Variants in PCSK2 observed in about 807,000 individuals in gnomAD.
PCSK2 encodes the protein neuroendocrine convertase 2.
PCSK2 carries 14 observed loss-of-function variants against 69.7 expected under a neutral mutation model. The ratio of observed to expected loss-of-function variants is 0.20; its 90% CI spans 0.13 to 0.31. PCSK2 has a LOEUF of 0.31. Ranked by LOEUF, PCSK2 falls within the 10% of genes least tolerant of loss-of-function variation. PCSK2 has a pLI of 1.00. For synonymous variants in PCSK2, 307 were observed against 320.7 expected (o/e 0.96, Z 0.46); for missense variants, 544 against 842.5 (o/e 0.65, Z 4.39).
At chr20:17,250,958 G>A (rs1464342590) in intron 1 of PCSK2, among the ~76,000 whole-genome samples, 2 of 152,178 alleles carry the variant, frequency 1.3e-5, no homozygotes, top group South Asian at 4.2e-4. Context: ...AAATTAGCCA[G>A]GTGTGGAAGT....
intron 5 of PCSK2, among the ~76,000 whole-genome samples, chr20:17,380,504 G>A (rs1189627729): frequency 6.6e-6 from 1 of 152,126 alleles, no homozygotes; most frequent in African/African-American, 2.4e-5. Flanking sequence ...TGTGCCCTAG[G>A]CAAGTTAATC....
chr20:17,254,024 A>G (rs1453553135), intron 1 of PCSK2, among the ~76,000 whole-genome samples: 4 of 152,208 alleles, frequency 2.6e-5, no homozygotes, highest in Non-Finnish European at 5.9e-5. Flanking sequence ...TCTTTGAAGA[A>G]ATGATTCCTC....
chr20:17,243,959 A>T lies in PCSK2; in HGVS notation c.178-16281A>T, dbSNP rs570934964. On this transcript the variant is annotated intron_variant, in intron 1 of 11. Transcript: ENST00000262545. ...GATTGAACTTTGGGCCAGATTTTTTATTTTTTTTTCCATAAAGGATGCTAT... is the reference window on the plus strand; with the variant it reads ...GATTGAACTTTGGGCCAGATTTTTTTTTTTTTTTTCCATAAAGGATGCTAT... Among the ~76,000 whole-genome samples, 221 of 151,660 alleles carry T rather than the reference A, an allele frequency of 1.5e-3. 1 individual carries two copies. Among genetic ancestry groups the T allele is most frequent in the African/African-American group, 4.8e-3 (199 of 41,362 alleles).
chr20:17,273,995 G>A (rs1416424335), intron 2 of PCSK2, among the ~76,000 whole-genome samples: 3 of 152,122 alleles, frequency 2.0e-5, no homozygotes, highest in Admixed American at 6.6e-5. Context: ...ACCCATTAGC[G>A]AGAACTAGGC....
intron 1 of PCSK2, among the ~76,000 whole-genome samples, 196 bp from the exon 2 acceptor site, chr20:17,260,044 G>A (rs1280554025): frequency 1.3e-5 from 2 of 152,116 alleles, no homozygotes; most frequent in Non-Finnish European, 2.9e-5. Context: ...GACACCACAT[G>A]AACAAAGGCA....
chr20:17,347,803 A>G (rs1308629181), intron 2 of PCSK2, among the ~76,000 whole-genome samples: 3 of 107,064 alleles, frequency 2.8e-5, no homozygotes, highest in African/African-American at 7.4e-5. Flanking sequence ...AAAGAAAGAA[A>G]GAAAGAAAGA....
intron 2 of PCSK2, among the ~76,000 whole-genome samples, chr20:17,333,998 C>T (rs1990281054): frequency 6.9e-6 from 1 of 145,544 alleles, no homozygotes; most frequent in Non-Finnish European, 1.5e-5. Flanking sequence ...ATTCATCTGG[C>T]CCATTCTCTC....
intron 2 of PCSK2, among the ~76,000 whole-genome samples, chr20:17,346,599 C>G (rs1990659464): frequency 6.6e-6 from 1 of 152,190 alleles, no homozygotes; most frequent in Admixed American, 6.5e-5. Context: ...CTTTACTGCA[C>G]TTACATCTCA....
At position 17,453,047 on chromosome 20, in the gene PCSK2, T is replaced by C. The variant is rs1346640036; in HGVS notation, c.886-695T>C. ...TTAGACTTTCCTCCTACATTTGGAG[T>C]TCCCTTGCTCAAGTAAAATGTCATA... On this transcript the variant is annotated intron_variant, in intron 8 of 11. Transcript: ENST00000262545. The surrounding 1 kb of genome is among the most constrained non-coding windows in gnomAD (Gnocchi z 4.0). Among the ~76,000 whole-genome samples the C allele has an allele frequency of 2.0e-5, 3 of 152,190 alleles. No individual in the cohort carries two copies. Among genetic ancestry groups the C allele is most frequent in the African/African-American group, 7.2e-5 (3 of 41,460 alleles).
At chr20:17,377,069 T>C (rs1157668033) in intron 5 of PCSK2, among the ~76,000 whole-genome samples, 1 of 152,226 alleles carries the variant, frequency 6.6e-6, no homozygotes, top group Non-Finnish European at 1.5e-5. Flanking sequence ...TGAGTTCCTA[T>C]GGCTGCAAGC....
At chr20:17,267,405 C>T (rs1426602252) in intron 2 of PCSK2, among the ~76,000 whole-genome samples, 1 of 152,164 alleles carries the variant, frequency 6.6e-6, no homozygotes, top group African/African-American at 2.4e-5. Context: ...AGAAGCAGGG[C>T]AGAGGTATCT....
chr20:17,482,173 C>A lies in PCSK2; in HGVS notation c.*103C>A. 1 of 1,037,150 alleles carries A rather than the reference C, an allele frequency of 9.6e-7. No individual in the cohort carries two copies. Among genetic ancestry groups the A allele is most frequent in the South Asian group, 1.7e-5 (1 of 57,234 alleles). The allele number at this position is 1,037,150 out of a possible 1,614,324, so 64.2% of individuals were successfully genotyped here. On this transcript the variant is annotated 3_prime_UTR_variant, in exon 12 of 12. Coordinates refer to ENST00000262545, the MANE Select transcript of PCSK2 (RefSeq NM_002594.5). ...CTAGCAATTCCATCACCCGTACAGG[C>A]AATTCCGTCTTCTTAATCTGAAGCT... is the stretch of plus-strand genomic sequence containing the variant.
intron 2 of PCSK2, among the ~76,000 whole-genome samples, chr20:17,315,788 G>C (rs1403785658): frequency 6.6e-6 from 1 of 152,230 alleles, no homozygotes; most frequent in Non-Finnish European, 1.5e-5. Context: ...CTCCTGCAGG[G>C]CTGCGGCGTC....
intron 11 of PCSK2, among the ~76,000 whole-genome samples, chr20:17,472,283 A>G (rs2033215096): frequency 6.6e-6 from 1 of 152,188 alleles, no homozygotes; most frequent in Non-Finnish European, 1.5e-5. Context: ...TAAATGTTAA[A>G]ACCTGGTATC....
intron 1 of PCSK2, among the ~76,000 whole-genome samples, chr20:17,250,430 A>G (rs897466312): frequency 1.3e-5 from 2 of 152,186 alleles, no homozygotes; most frequent in Admixed American, 1.3e-4. Context: ...GCATCATAGC[A>G]TGACTCATCA....
At chr20:17,254,946 T>C (rs1453719210) in intron 1 of PCSK2, among the ~76,000 whole-genome samples, 1 of 152,238 alleles carries the variant, frequency 6.6e-6, no homozygotes, top group African/African-American at 2.4e-5. Flanking sequence ...AATTGACTTA[T>C]ATTCTTAACT....
At chr20:17,259,225 C>T (rs13043819) in intron 1 of PCSK2, among the ~76,000 whole-genome samples, 1 of 152,088 alleles carries the variant, frequency 6.6e-6, no homozygotes, top group Non-Finnish European at 1.5e-5. Flanking sequence ...GATTTAGGGA[C>T]TCTTTTGAGA....
intron 11 of PCSK2, among the ~76,000 whole-genome samples, chr20:17,466,462 G>A (rs575708283): frequency 6.6e-5 from 10 of 152,138 alleles, no homozygotes; most frequent in South Asian, 2.1e-4. Flanking sequence ...TTGATTTTCC[G>A]CTGAGTGAGG....
At chr20:17,285,453 A>G (rs140766759) in intron 2 of PCSK2, among the ~76,000 whole-genome samples, 1 of 152,218 alleles carries the variant, frequency 6.6e-6, no homozygotes, top group East Asian at 1.9e-4. Context: ...GTCATAGTTT[A>G]GGTTTGGTGA....
Sources: gnomAD v4.1 joint callset for allele counts (sites outside exome capture counted in the v4.1 genomes callset) on GRCh38, gnomAD v4.1.1 for gene constraint, Gnocchi (gnomAD v3.1) non-coding constraint, MANE v1.5 for transcripts, NCBI Gene and HGNC (gene_info 2026-07-23, HGNC 2026-07-21) for gene names.